SEMA4D: variants seen among roughly 807,000 people sequenced by gnomAD.
The protein encoded by SEMA4D is semaphorin 4D.
A neutral mutation model predicts 74.8 loss-of-function variants in SEMA4D; 22 were observed. The ratio of observed to expected loss-of-function variants is 0.29; its 90% CI spans 0.21 to 0.42. SEMA4D has a LOEUF of 0.42. SEMA4D is among the 10% of genes least tolerant of loss of function. The pLI is 1.00. For missense variants in SEMA4D, 937 were observed against 1,118.4 expected (o/e 0.84, Z 2.31); for synonymous variants, 445 against 463.7 (o/e 0.96, Z 0.52).
chr9:89,399,146 CA>C, intron 5 of SEMA4D, 129 bp downstream of exon 5: 1 of 756,192 alleles, frequency 1.3e-6, no homozygotes, highest in Non-Finnish European at 2.3e-6. Context: ...ACAACAAAAC[CA>C]AGCCCAGCAG....
chr9:89,439,418 A>C (rs1198598180), intron 2 of SEMA4D, among the ~76,000 whole-genome samples: 1 of 152,234 alleles, frequency 6.6e-6, no homozygotes, highest in Admixed American at 6.5e-5. Context: ...CTAGTGGCTG[A>C]GTGGAGACCA....
chr9:89,403,058 G>A (rs756793870), intron 3 of SEMA4D, 42 bp from the exon 4 acceptor site: 42 of 1,588,480 alleles, frequency 2.6e-5, no homozygotes, highest in Non-Finnish European at 3.6e-5. Flanking sequence ...AGGAAGAAAA[G>A]AGCGATGGAA....
chr9:89,472,414 T>C, intron 1 of SEMA4D: 1 of 312,730 alleles, frequency 3.2e-6, no homozygotes, highest in South Asian at 3.2e-5. Context: ...AAGAACAATT[T>C]ATGAAAGCCA....
chr9:89,411,075 G>C (rs1451135438), intron 2 of SEMA4D, among the ~76,000 whole-genome samples: 1 of 152,204 alleles, frequency 6.6e-6, no homozygotes, highest in Non-Finnish European at 1.5e-5. Context: ...GAAGCGAGTG[G>C]AGGAGAGGCA....
intron 16 of SEMA4D, among the ~76,000 whole-genome samples, chr9:89,369,946 GTGTA>G (rs1834284821): frequency 6.6e-6 from 1 of 151,850 alleles, no homozygotes; most frequent in Admixed American, 6.6e-5. Flanking sequence ...TCTATGTGGT[GTGTA>G]TGTGCTTTGG....
chr9:89,367,666 A>G (rs916766444), intron 16 of SEMA4D: 1 of 152,266 alleles, frequency 6.6e-6, no homozygotes, highest in African/African-American at 2.4e-5. Context: ...TGTCACTGCA[A>G]CTAGCTTAAG....
chr9:89,435,619 C>A (rs993231357), intron 2 of SEMA4D, among the ~76,000 whole-genome samples: 5 of 152,148 alleles, frequency 3.3e-5, no homozygotes, highest in Non-Finnish European at 7.3e-5. Context: ...AACCCAGGGA[C>A]AAACAAGGCC....
intron 2 of SEMA4D, among the ~76,000 whole-genome samples, chr9:89,455,558 G>T: frequency 6.6e-6 from 1 of 152,286 alleles, no homozygotes; most frequent in Middle Eastern, 3.4e-3. Context: ...CCTTCCTGCC[G>T]GGGAAGCTGG....
At chr9:89,376,612 T>G, downstream of SEMA4D, 1 of 580,526 alleles carries the variant, frequency 1.7e-6, no homozygotes, top group Non-Finnish European at 2.9e-6. Flanking sequence ...AAAACACTGG[T>G]TGACCCCTGT....
chr9:89,461,702 T>TCTC (rs1299633604), intron 1 of SEMA4D, among the ~76,000 whole-genome samples: 14 of 37,792 alleles, frequency 3.7e-4, no homozygotes, highest in African/African-American at 7.1e-4. Flanking sequence ...TTTTTTCTCT[T>TCTC]TTTTTTTTTT....
At chr9:89,372,056 T>G (rs866131184) in intron 16 of SEMA4D, among the ~76,000 whole-genome samples, 16 of 35,898 alleles carry the variant, frequency 4.5e-4, no homozygotes, top group African/African-American at 1.7e-3. Flanking sequence ...GTGTCGGGTG[T>G]GGTGTGTTGG....
intron 13 of SEMA4D, chr9:89,384,816 C>T (rs1287751265): frequency 1.0e-6 from 1 of 985,296 alleles, no homozygotes; most frequent in Non-Finnish European, 1.2e-6. Context: ...TCAGGCGGCA[C>T]AGTCTTTTTA....
At chr9:89,408,201 A>G (rs773549924) in intron 2 of SEMA4D, among the ~76,000 whole-genome samples, 1 of 152,238 alleles carries the variant, frequency 6.6e-6, no homozygotes, top group Non-Finnish European at 1.5e-5. Context: ...GATAATAATA[A>G]TGTTTATTGC....
chr9:89,393,690 T>C, intron 6 of SEMA4D, 35 bp from the exon 7 acceptor site: 2 of 1,488,456 alleles, frequency 1.3e-6, no homozygotes, highest in Admixed American at 1.7e-5. Context: ...CATCATCAGA[T>C]GGCTGAATTT....
intron 1 of SEMA4D, among the ~76,000 whole-genome samples, chr9:89,477,333 C>A (rs1212466159): frequency 1.3e-5 from 2 of 152,148 alleles, no homozygotes; most frequent in Admixed American, 6.5e-5. Context: ...CACAAACACA[C>A]ACGGCCTACT....
chr9:89,467,767 T>C (rs1859140499), intron 1 of SEMA4D, among the ~76,000 whole-genome samples: 1 of 152,090 alleles, frequency 6.6e-6, no homozygotes, highest in Non-Finnish European at 1.5e-5. Flanking sequence ...TCTGACCTTG[T>C]GATCCACCTG....
At chr9:89,429,319 C>T (rs971077341) in intron 2 of SEMA4D, among the ~76,000 whole-genome samples, 9 of 152,250 alleles carry the variant, frequency 5.9e-5, no homozygotes, top group Admixed American at 5.9e-4. Flanking sequence ...AGAGCATCGA[C>T]ATCCCCATCA....
intron 1 of SEMA4D, among the ~76,000 whole-genome samples, chr9:89,494,486 G>A (rs952220209): frequency 6.6e-6 from 1 of 152,206 alleles, no homozygotes; most frequent in Non-Finnish European, 1.5e-5. Context: ...CGTGCTGAGC[G>A]CCTGCACTTG....
chr9:89,441,227 C>T (rs949850725), intron 2 of SEMA4D, among the ~76,000 whole-genome samples: 40 of 152,272 alleles, frequency 2.6e-4, no homozygotes, highest in Non-Finnish European at 5.9e-5. Flanking sequence ...CCAGACCTTA[C>T]GAATACCAAC....
Sources: gnomAD v4.1 joint callset for allele counts (sites outside exome capture counted in the v4.1 genomes callset) on GRCh38, gnomAD v4.1.1 for gene constraint, MANE v1.5 for transcripts, NCBI Gene and HGNC (gene_info 2026-07-23, HGNC 2026-07-21) for gene names.